The following POU1F1 variants were observed in gnomAD, a reference collection of about 807,000 sequenced individuals.
POU1F1 encodes POU class 1 homeobox 1, also known as pituitary-specific positive transcription factor 1.
POU1F1 carries 23 observed loss-of-function variants against 32.3 expected under a neutral mutation model. The ratio of observed to expected loss-of-function variants is 0.71; its 90% CI spans 0.51 to 1.01. POU1F1 has a LOEUF of 1.01. Ranked by LOEUF, POU1F1 falls within the 50% of genes least tolerant of loss-of-function variation. The pLI, the probability that POU1F1 is intolerant of heterozygous loss-of-function variation, is 0.00. For missense variants in POU1F1, 323 were observed against 341.6 expected (o/e 0.95, Z 0.43); for synonymous variants, 120 against 115.6 (o/e 1.04, Z -0.25).
chr3:87,276,469 A>C lies in POU1F1; in HGVS notation c.-7T>G, dbSNP rs1706829688. 1 of 1,613,534 alleles carries C rather than the reference A, an allele frequency of 6.2e-7. No homozygotes were observed. Among genetic ancestry groups the C allele is most frequent in the Non-Finnish European group, 8.5e-7 (1 of 1,179,708 alleles). ...TAAAAGCTTGGCAACTCATTCCCAC[A>C]AGAGAGTAGAAAAATAAGGAGAACC... On this transcript the variant is annotated 5_prime_UTR_variant, in exon 1 of 6. Coordinates refer to ENST00000350375, the MANE Select transcript of POU1F1 (RefSeq NM_000306.4).
At chr3:87,266,652 G>C (rs1017629382) in intron 2 of POU1F1, among the ~76,000 whole-genome samples, 1 of 151,688 alleles carries the variant, frequency 6.6e-6, no homozygotes, top group Non-Finnish European at 1.5e-5. Flanking sequence ...GATCAGACAA[G>C]AGAACATTTT....
At chr3:87,266,151 C>T (rs910911193) in intron 2 of POU1F1, among the ~76,000 whole-genome samples, 1 of 148,162 alleles carries the variant, frequency 6.7e-6, no homozygotes. Flanking sequence ...GCAAAGAATA[C>T]CGTAACTCAG....
At chr3:87,270,111 A>G (rs991830037) in intron 2 of POU1F1, among the ~76,000 whole-genome samples, 2 of 152,014 alleles carry the variant, frequency 1.3e-5, no homozygotes. Flanking sequence ...TAGGTTTTCT[A>G]TTATTTGTAC....
Position 87,259,649 on chromosome 3 carries a change from T to A in POU1F1, c.*245A>T. 19 of 476,446 alleles carry A rather than the reference T, an allele frequency of 4.0e-5. No individual in the cohort carries two copies. Among genetic ancestry groups the A allele is most frequent in the Admixed American group, 1.8e-4 (5 of 28,014 alleles). 29.5% of individuals were successfully genotyped at this position (476,446 alleles called of 1,614,324 possible). A position where few individuals can be genotyped will look rare whatever the true frequency, so the allele number is the denominator to read the frequency against. On this transcript the variant is annotated 3_prime_UTR_variant, in exon 6 of 6. Coordinates refer to ENST00000350375, the MANE Select transcript of POU1F1 (RefSeq NM_000306.4). ...AGCGGGAGAGACAGAGAGATCATTT[T>A]ATTACTGTTAATATATTTGGCTTAA...
intron 1 of POU1F1, 143 bp downstream of exon 1, chr3:87,276,178 C>G (rs1325235612): frequency 7.6e-6 from 8 of 1,046,246 alleles, no homozygotes; most frequent in African/African-American, 1.6e-5. Flanking sequence ...TTTAGATATG[C>G]TTAATGCTTA....
intron 1 of POU1F1, among the ~76,000 whole-genome samples, chr3:87,275,730 T>C (rs1706813652): frequency 6.6e-6 from 1 of 152,112 alleles, no homozygotes; most frequent in South Asian, 2.1e-4. Flanking sequence ...GAATGCAATT[T>C]TGAGAAAATT....
At chr3:87,263,451 A>G (rs1324887588) in intron 3 of POU1F1, among the ~76,000 whole-genome samples, 2 of 152,122 alleles carry the variant, frequency 1.3e-5, no homozygotes, top group African/African-American at 2.4e-5. Context: ...AAAAAGAAAT[A>G]GATTTTAAAA....
rs1192193352 is a variant in POU1F1, at chr3:87,276,060, C to A, written c.142+261G>T. Reference sequence around the variant, plus strand: ...TAGATTTAAAATGTCCAAGTTCATTCTTTTCTTATGTAGAAAACAGATTTT... The same window carrying A: ...TAGATTTAAAATGTCCAAGTTCATTATTTTCTTATGTAGAAAACAGATTTT... On this transcript the variant is annotated intron_variant, in intron 1 of 5. Coordinates refer to ENST00000350375, the MANE Select transcript of POU1F1 (RefSeq NM_000306.4). 2.0e-5 allele frequency among the ~76,000 whole-genome samples: 3 copies of A among 152,054 alleles called. No homozygotes were observed. In the East Asian group the frequency reaches 5.8e-4, roughly 29 times the overall value.
At chr3:87,273,578 G>T in intron 1 of POU1F1, 160 bp from the exon 2 acceptor site, 1 of 1,343,906 alleles carries the variant, frequency 7.4e-7, no homozygotes, top group Middle Eastern at 1.9e-4. Context: ...AAAGTTACAT[G>T]CCAATATGTT....
chr3:87,275,351 A>G (rs967958479), intron 1 of POU1F1, among the ~76,000 whole-genome samples: 2 of 152,050 alleles, frequency 1.3e-5, no homozygotes, highest in Non-Finnish European at 2.9e-5. Context: ...TTACGCATGT[A>G]TTTAGAAAAT....
chr3:87,261,826 T>C (rs1441544501), intron 4 of POU1F1, among the ~76,000 whole-genome samples: 1 of 152,242 alleles, frequency 6.6e-6, no homozygotes, highest in East Asian at 1.9e-4. Context: ...CCCTTCATGC[T>C]GATGCCAACA....
At chr3:87,268,571 A>T (rs190538290) in intron 2 of POU1F1, among the ~76,000 whole-genome samples, 1 of 152,102 alleles carries the variant, frequency 6.6e-6, no homozygotes, top group Non-Finnish European at 1.5e-5. Flanking sequence ...GTGGAGAGTG[A>T]TTGGGATGAT....
chr3:87,269,828 G>T (rs1004825813), intron 2 of POU1F1, among the ~76,000 whole-genome samples: 10 of 151,996 alleles, frequency 6.6e-5, no homozygotes, highest in African/African-American at 2.4e-4. Flanking sequence ...TTTAAAGCAA[G>T]GACTTTCACA....
chr3:87,269,678 G>T (rs1301138290), intron 2 of POU1F1, among the ~76,000 whole-genome samples: 2 of 152,070 alleles, frequency 1.3e-5, no homozygotes, highest in Non-Finnish European at 2.9e-5. Flanking sequence ...AATATTTTCA[G>T]CCATAACAAT....
Position 87,262,042 on chromosome 3 carries a change from GCACAGCCTTCAGAGA to G in POU1F1, c.604+14_604+28del, listed in dbSNP as rs1412215233. ...GCCATTATTTTTAGGTTAAAACACA[GCACAGCCTTCAGAGA>G]CACAATTTAGTACCTCCTACTTGCT... On this transcript the variant is annotated intron_variant, in intron 4 of 5. Coordinates refer to ENST00000350375, the MANE Select transcript of POU1F1 (RefSeq NM_000306.4). 2 of 1,612,988 alleles carry G rather than the reference GCACAGCCTTCAGAGA, an allele frequency of 1.2e-6. No homozygotes were observed. Among genetic ancestry groups the G allele is most frequent in the Non-Finnish European group, 1.7e-6 (2 of 1,179,424 alleles).
chr3:87,259,839 G>T lies in POU1F1; in HGVS notation c.*55C>A. 1 of 1,448,078 alleles carries T rather than the reference G, an allele frequency of 6.9e-7. No homozygotes were observed. Among genetic ancestry groups the T allele is most frequent in the Non-Finnish European group, 9.7e-7 (1 of 1,033,944 alleles). 89.7% of individuals were successfully genotyped at this position (1,448,078 alleles called of 1,614,324 possible). A position where few individuals can be genotyped will look rare whatever the true frequency, so the allele number is the denominator to read the frequency against. ...CAACCAAGTAATTTCTGTTTTTGTT[G>T]AGGAAGAGAAAGGAATGAAACGGGA... is the stretch of plus-strand genomic sequence containing the variant. On this transcript the variant is annotated 3_prime_UTR_variant, in exon 6 of 6. Transcript: ENST00000350375.
intron 2 of POU1F1, among the ~76,000 whole-genome samples, chr3:87,266,261 A>G (rs1180472426): frequency 6.8e-6 from 1 of 146,564 alleles, no homozygotes; most frequent in East Asian, 1.9e-4. Flanking sequence ...TATTTTATAT[A>G]AATTTAATTT....
chr3:87,264,601 A>C, intron 2 of POU1F1, 89 bp from the exon 3 acceptor site: 2 of 1,028,966 alleles, frequency 1.9e-6, no homozygotes, highest in Non-Finnish European at 3.0e-6. Context: ...GACTTAGCCC[A>C]TTATTCTGCT....
In POU1F1 at chr3:87,276,404, G is replaced by A; in HGVS notation, c.59C>T (p.Ser20Phe). ...DTFIPLNSDASATLPLIMHHS... is the reference protein window; with the variant it reads ...DTFIPLNSDAFATLPLIMHHS... Reference sequence around the variant, plus strand: ...ATGCATTATCAGAGGCAGAGTTGCAGAGGCGTCAGAATTCAGAGGTATAAA... The same window carrying A: ...ATGCATTATCAGAGGCAGAGTTGCAAAGGCGTCAGAATTCAGAGGTATAAA... Residue 20 changes from serine to phenylalanine, a missense_variant, in exon 1 of 6, where the codon TCT (serine) becomes TTT (phenylalanine). Transcript: ENST00000350375. 6.2e-7 allele frequency: 1 copy of A among 1,614,022 alleles called. No individual in the cohort carries two copies. Among genetic ancestry groups the A allele is most frequent in the Non-Finnish European group, 8.5e-7 (1 of 1,179,938 alleles).
Sources: allele counts gnomAD v4.1 joint callset (sites outside exome capture counted in the v4.1 genomes callset), GRCh38; gene constraint gnomAD v4.1.1; transcripts MANE v1.5; gene names NCBI Gene and HGNC (gene_info 2026-07-23, HGNC 2026-07-21).